The following MAMDC2 variants were observed in gnomAD, a reference collection of about 807,000 sequenced individuals.
MAMDC2 encodes MAM domain-containing protein 2.
A neutral mutation model predicts 89.8 loss-of-function variants in MAMDC2; 57 were observed. The ratio of observed to expected loss-of-function variants is 0.63; its 90% CI spans 0.51 to 0.79. The LOEUF is 0.79. Ranked by LOEUF, MAMDC2 falls within the 30% of genes least tolerant of loss-of-function variation. The probability of loss-of-function intolerance (pLI) is 0.00; values close to 1 mark genes in which losing one functional copy is unlikely to be tolerated. For missense variants in MAMDC2, 800 were observed against 820.6 expected, an observed-to-expected ratio of 0.97 and a Z score of 0.31; for synonymous variants, 313 against 293.4, an observed-to-expected ratio of 1.07 and a Z score of -0.68.
intron 2 of MAMDC2, among the ~76,000 whole-genome samples, chr9:70,091,911 T>C (rs1231522675): frequency 6.6e-6 from 1 of 152,248 alleles, no homozygotes; most frequent in Non-Finnish European, 1.5e-5. Context: ...AGGCACATAG[T>C]CATACATTTA....
intron 7 of MAMDC2, among the ~76,000 whole-genome samples, chr9:70,136,524 T>C (rs1288098716): frequency 6.6e-6 from 1 of 152,186 alleles, no homozygotes; most frequent in African/African-American, 2.4e-5. Flanking sequence ...TATGCCACCT[T>C]CCACCCCCTC....
chr9:70,182,020 G>A (rs1305678012), intron 11 of MAMDC2, among the ~76,000 whole-genome samples: 3 of 152,034 alleles, frequency 2.0e-5, no homozygotes, highest in Admixed American at 6.6e-5. Context: ...TTATTTTGAG[G>A]TATCTCACAT....
At chr9:70,189,622 T>C (rs1324984449) in intron 11 of MAMDC2, among the ~76,000 whole-genome samples, 2 of 152,166 alleles carry the variant, frequency 1.3e-5, no homozygotes, top group Non-Finnish European at 2.9e-5. Context: ...CTTATATTTT[T>C]AAAAATCAGG....
At chr9:70,166,412 G>T (rs982657083) in intron 9 of MAMDC2, among the ~76,000 whole-genome samples, 10 of 151,556 alleles carry the variant, frequency 6.6e-5, no homozygotes, top group African/African-American at 2.4e-4. Context: ...AATTTTATGA[G>T]TCTAACATAA....
chr9:70,107,746 C>G (rs544325948), intron 2 of MAMDC2, among the ~76,000 whole-genome samples: 102 of 152,252 alleles, frequency 6.7e-4, no homozygotes, highest in Middle Eastern at 6.8e-3. Flanking sequence ...ATGGGGAGAG[C>G]TATGTAAGGA....
intron 2 of MAMDC2, among the ~76,000 whole-genome samples, chr9:70,104,524 A>G (rs1465946309): frequency 6.6e-6 from 1 of 152,220 alleles, no homozygotes; most frequent in East Asian, 1.9e-4. Flanking sequence ...CATAATAGTC[A>G]AAAAGGAGAG....
At chr9:70,207,206 C>T (rs900051947) in intron 11 of MAMDC2, among the ~76,000 whole-genome samples, 2 of 152,274 alleles carry the variant, frequency 1.3e-5, no homozygotes, top group East Asian at 1.9e-4. Flanking sequence ...AATCACCACA[C>T]TGTCTTCCAC....
chr9:70,119,280 G>A (rs756352205), intron 5 of MAMDC2, among the ~76,000 whole-genome samples: 1 of 151,898 alleles, frequency 6.6e-6, no homozygotes, highest in African/African-American at 2.4e-5. Context: ...GTGCTATTAT[G>A]GAAGAAGCTG....
intron 8 of MAMDC2, among the ~76,000 whole-genome samples, chr9:70,141,340 A>G (rs1224903974): frequency 6.6e-6 from 1 of 152,196 alleles, no homozygotes; most frequent in Admixed American, 6.6e-5. Flanking sequence ...CCATACTCTC[A>G]GTTTGTCAAT....
intron 12 of MAMDC2, among the ~76,000 whole-genome samples, chr9:70,219,290 C>T (rs546088077): frequency 7.9e-5 from 12 of 152,360 alleles, no homozygotes; most frequent in African/African-American, 2.9e-4. Flanking sequence ...TTTTACCTGC[C>T]TACCATGAGC....
At chr9:70,189,781 C>CT (rs1448503060) in intron 11 of MAMDC2, among the ~76,000 whole-genome samples, 1 of 151,588 alleles carries the variant, frequency 6.6e-6, no homozygotes, top group African/African-American at 2.4e-5. Context: ...TTTCTTTTAT[C>CT]TTTTTTTTCT....
rs553475201 is a variant in MAMDC2, at chr9:70,152,359, A to T, written c.1404+8540A>T. ...TGAGATATTATCACAGCCTCCAACA[A>T]CAGAGGCTAGGCTGTTGTTGAACAC... On this transcript the variant is annotated intron_variant, in intron 9 of 13. Coordinates refer to ENST00000377182, the MANE Select transcript of MAMDC2 (RefSeq NM_153267.5). Among the ~76,000 whole-genome samples the T allele has an allele frequency of 4.6e-5, 7 of 152,216 alleles. No homozygotes were observed. The South Asian group carries it at 1.2e-3, about 27-fold the overall frequency.
intron 6 of MAMDC2, among the ~76,000 whole-genome samples, chr9:70,128,625 A>G (rs2030668374): frequency 6.6e-6 from 1 of 152,144 alleles, no homozygotes; most frequent in African/African-American, 2.4e-5. Flanking sequence ...TGGAACCTGA[A>G]TAGAAGTTCA....
chr9:70,217,184 G>T (rs762870169), intron 11 of MAMDC2: 21 of 707,850 alleles, frequency 3.0e-5, no homozygotes, highest in Non-Finnish European at 4.9e-5. Context: ...TCTTCCCGTG[G>T]AGCCGTCGCC....
chr9:70,146,064 C>T (rs1259430199), intron 9 of MAMDC2, among the ~76,000 whole-genome samples: 1 of 152,160 alleles, frequency 6.6e-6, no homozygotes, highest in African/African-American at 2.4e-5. Flanking sequence ...CTCATCACTC[C>T]ACTCACCTCC....
Position 70,168,737 on chromosome 9 carries a change from C to T in MAMDC2, c.1440C>T (p.Asp480=). ...TGAGCCTATGCAAAAGTTTCTGGGA[C>T]TGTGGGCTTGTAGCCCTGGATGACA... ...VFMSLCKSFW[D]CGLVALDDIT... The change falls in exon 10 of 14, where the codon GAC becomes GAT. Residue 480 remains aspartate (D), a synonymous_variant. Transcript: ENST00000377182. 1 of 1,614,038 alleles carries T rather than the reference C, an allele frequency of 6.2e-7. No homozygotes were observed. The highest frequency in any genetic ancestry group is 1.3e-5 in the African/African-American group (1 of 75,058).
In MAMDC2 at chr9:70,043,946, G is replaced by C; in HGVS notation, c.-252G>C. The stretch of plus-strand genomic sequence containing the variant: ...CGTCGCCCAGGACCAGCTGGGCCGC[G>C]GTCTGACCTGAGGCTGCTGCTCAGC... On this transcript the variant is annotated 5_prime_UTR_variant, in exon 1 of 14. Coordinates refer to ENST00000377182, the MANE Select transcript of MAMDC2 (RefSeq NM_153267.5). 1 of 588,290 alleles carries C rather than the reference G, an allele frequency of 1.7e-6. No homozygotes were observed. The highest frequency in any genetic ancestry group is 3.0e-6 in the Non-Finnish European group (1 of 330,652). 36.4% of individuals were successfully genotyped at this position (588,290 alleles called of 1,614,324 possible). A position where few individuals can be genotyped will look rare whatever the true frequency, so the allele number is the denominator to read the frequency against.
Position 70,044,651 on chromosome 9 carries a change from C to T in MAMDC2, c.102C>T (p.Gly34=). The change falls in exon 2 of 14, where the codon GGC becomes GGT. Residue 34 remains glycine, a synonymous_variant. Transcript: ENST00000377182. ...GTGCCTTTGAAGAGAGCACTTGCGGCTTTGACTCCGTGTTGGCCTCTCTGC... is the reference window on the plus strand; with the variant it reads ...GTGCCTTTGAAGAGAGCACTTGCGGTTTTGACTCCGTGTTGGCCTCTCTGC... The part of the protein sequence containing the change: ...GSCAFEESTC[G]FDSVLASLPW... 1 of 1,551,682 alleles carries T rather than the reference C, an allele frequency of 6.4e-7. No homozygotes were observed. The highest frequency in any genetic ancestry group is 8.7e-7 in the Non-Finnish European group (1 of 1,147,006).
In MAMDC2 at chr9:70,140,179, T is replaced by G; in HGVS notation, c.1029T>G (p.Asn343Lys). ...TCAGTGCCGTGGAAGCCAGCTGCAA[T>G]TTTGAGCAAGATCTCTGCAACTTTT... ...LLFSAVEASCNFEQDLCNFYQ... is the reference protein window; with the variant it reads ...LLFSAVEASCKFEQDLCNFYQ... The change falls in exon 8 of 14, where the codon AAT becomes AAG. Residue 343 changes from asparagine (N) to lysine (K), a missense_variant. Transcript: ENST00000377182. The G allele has an allele frequency of 6.3e-7, 1 of 1,595,444 alleles. No homozygotes were observed. The highest frequency in any genetic ancestry group is 8.5e-7 in the Non-Finnish European group (1 of 1,174,610).
Sources: gnomAD v4.1 joint callset for allele counts (sites outside exome capture counted in the v4.1 genomes callset) on GRCh38, gnomAD v4.1.1 for gene constraint, MANE v1.5 for transcripts, NCBI Gene and HGNC (gene_info 2026-07-23, HGNC 2026-07-21) for gene names.